The following CD2AP variants were observed in gnomAD, a reference collection of about 807,000 sequenced individuals.
CD2AP encodes the protein CD2-associated protein.
CD2AP carries 46 observed loss-of-function variants against 85.1 expected under a neutral mutation model. The observed-to-expected ratio is 0.54, with a 90% CI of 0.43 to 0.69. The LOEUF (loss-of-function observed/expected upper bound fraction) is 0.69. Ranked by LOEUF, CD2AP falls within the 30% of genes least tolerant of loss-of-function variation. The pLI is 0.00. For synonymous variants in CD2AP, 255 were observed against 252.9 expected (o/e 1.01, Z -0.08); for missense variants, 769 against 729.5 (o/e 1.05, Z -0.62).
intron 17 of CD2AP, among the ~76,000 whole-genome samples, chr6:47,615,786 TA>T (rs1487741927): frequency 1.4e-4 from 13 of 95,904 alleles, no homozygotes; most frequent in Non-Finnish European, 2.6e-4. Context: ...AATTTTAATT[TA>T]ATTTAATTTA....
intron 16 of CD2AP, among the ~76,000 whole-genome samples, chr6:47,610,967 ATGTATTT>A (rs1175654806): frequency 1.4e-4 from 11 of 77,330 alleles, no homozygotes; most frequent in African/African-American, 6.1e-4. Context: ...ATATATATAT[ATGTATTT>A]TTTTTTTTTT....
At chr6:47,523,475 C>G (rs1766647382) in intron 2 of CD2AP, among the ~76,000 whole-genome samples, 1 of 151,800 alleles carries the variant, frequency 6.6e-6, no homozygotes, top group Non-Finnish European at 1.5e-5. Flanking sequence ...GTTGCTTAAG[C>G]AAGAAATAAA....
chr6:47,542,514 T>G (rs1767242058), intron 3 of CD2AP, among the ~76,000 whole-genome samples: 1 of 152,170 alleles, frequency 6.6e-6, no homozygotes, highest in Non-Finnish European at 1.5e-5. Flanking sequence ...AGGGCTGTGC[T>G]CTCATGAATG....
At chr6:47,479,270 A>G (rs1212158196) in intron 1 of CD2AP, among the ~76,000 whole-genome samples, 1 of 152,202 alleles carries the variant, frequency 6.6e-6, no homozygotes, top group African/African-American at 2.4e-5. Flanking sequence ...GCTTCATATC[A>G]ACAAACGATC....
At chr6:47,571,492 A>G (rs985458088) in intron 5 of CD2AP, among the ~76,000 whole-genome samples, 76 of 152,282 alleles carry the variant, frequency 5.0e-4, no homozygotes, top group Non-Finnish European at 1.9e-4. Flanking sequence ...GCAGAAGGCT[A>G]TGGTTTTGTT....
At chr6:47,480,404 T>G (rs1765413165) in intron 1 of CD2AP, among the ~76,000 whole-genome samples, 1 of 152,120 alleles carries the variant, frequency 6.6e-6, no homozygotes, top group South Asian at 2.1e-4. Flanking sequence ...AATGAAAAAA[T>G]CTGAAATTTT....
intron 2 of CD2AP, among the ~76,000 whole-genome samples, chr6:47,509,604 T>A (rs192747779): frequency 1.3e-5 from 2 of 152,200 alleles, no homozygotes; most frequent in East Asian, 1.9e-4. Context: ...TAGAGCAAGG[T>A]CACTTCATTT....
intron 4 of CD2AP, 138 bp downstream of exon 4, chr6:47,544,844 C>G: frequency 1.6e-6 from 1 of 641,268 alleles, no homozygotes; most frequent in Non-Finnish European, 2.8e-6. Flanking sequence ...AGTTTCTTTA[C>G]TCATCCTTGC....
At position 47,607,911 on chromosome 6, in the gene CD2AP, C is replaced by A. The variant is rs947215696; in HGVS notation, c.1531-16C>A. On this transcript the variant is annotated splice_polypyrimidine_tract_variant and intron_variant, in intron 14 of 17. Transcript: ENST00000359314. ...TTTGGTCTATTATGTCTCTTGACTTCTAAAAAATCATTTAGCCAACTCACA... is the reference window on the plus strand; with the variant it reads ...TTTGGTCTATTATGTCTCTTGACTTATAAAAAATCATTTAGCCAACTCACA... 6 of 1,581,828 alleles carry A rather than the reference C, an allele frequency of 3.8e-6. No homozygotes were observed. The African/African-American group carries it at 6.8e-5, about 18-fold the overall frequency.
At chr6:47,507,691 C>T (rs1196285483) in intron 2 of CD2AP, among the ~76,000 whole-genome samples, 5 of 152,126 alleles carry the variant, frequency 3.3e-5, no homozygotes, top group African/African-American at 9.7e-5. Flanking sequence ...GTGATCTGCC[C>T]GCCTTGGCCT....
chr6:47,581,213 C>G (rs1768471943), intron 10 of CD2AP, among the ~76,000 whole-genome samples: 1 of 152,098 alleles, frequency 6.6e-6, no homozygotes, highest in Non-Finnish European at 1.5e-5. Context: ...TCTACCGTTT[C>G]AAATGAAATC....
intron 17 of CD2AP, among the ~76,000 whole-genome samples, chr6:47,614,138 G>A (rs1297287341): frequency 6.6e-6 from 1 of 152,182 alleles, no homozygotes; most frequent in Admixed American, 6.5e-5. Context: ...CAATAAGGCT[G>A]TTAAGTTTTC....
chr6:47,575,239 G>A lies in CD2AP; in HGVS notation c.729+988G>A, dbSNP rs180806813. ...TTGGAATTCTCATGGTTTTTGGGGT[G>A]GTGCTCTATAGCCATGTAACAGCTA... On this transcript the variant is annotated intron_variant, in intron 6 of 17. Coordinates refer to ENST00000359314, the MANE Select transcript of CD2AP (RefSeq NM_012120.3). 8.5e-5 allele frequency among the ~76,000 whole-genome samples: 13 copies of A among 152,208 alleles called. No individual in the cohort carries two copies. The East Asian group carries it at 1.7e-3, about 20-fold the overall frequency.
chr6:47,506,756 G>T (rs547509373), intron 2 of CD2AP, among the ~76,000 whole-genome samples: 1 of 145,118 alleles, frequency 6.9e-6, no homozygotes, highest in East Asian at 2.0e-4. Flanking sequence ...GTCCAGCTTC[G>T]GCTCCGCATG....
At position 47,477,897 on chromosome 6, in the gene CD2AP, G is replaced by A; in HGVS notation, c.-348G>A. On this transcript the variant is annotated 5_prime_UTR_variant, in exon 1 of 18. Coordinates refer to ENST00000359314, the MANE Select transcript of CD2AP (RefSeq NM_012120.3). ...GGCTAGGCGGGCGCTCGGGGTTGGA[G>A]CCGAGGGTCTGGGCAAACCGGTGGG... The A allele has an allele frequency of 2.4e-6, 1 of 410,564 alleles. No individual in the cohort carries two copies. The highest frequency in any genetic ancestry group is 4.4e-6 in the Non-Finnish European group (1 of 228,280). 25.4% of individuals were successfully genotyped at this position (410,564 alleles called of 1,614,324 possible).
At chr6:47,596,483 T>C (rs1768951908) in intron 12 of CD2AP, among the ~76,000 whole-genome samples, 3 of 152,120 alleles carry the variant, frequency 2.0e-5, no homozygotes, top group Non-Finnish European at 4.4e-5. Context: ...GGATCAACTT[T>C]TTTAGACTTC....
chr6:47,488,852 T>C (rs926329126), intron 1 of CD2AP, among the ~76,000 whole-genome samples: 3 of 152,128 alleles, frequency 2.0e-5, no homozygotes, highest in African/African-American at 7.2e-5. Context: ...GATTGTGCCA[T>C]TGCACTCCAG....
intron 2 of CD2AP, among the ~76,000 whole-genome samples, chr6:47,526,623 T>C (rs891755581): frequency 2.0e-5 from 3 of 152,206 alleles, no homozygotes. Context: ...AACATTGTTT[T>C]ACAGCAAATG....
chr6:47,607,225 A>G (rs192025449), intron 14 of CD2AP, among the ~76,000 whole-genome samples: 257 of 152,216 alleles, frequency 1.7e-3, no homozygotes, highest in Admixed American at 6.4e-3. Context: ...ACTTAGGTTG[A>G]TTCCAATTCT....
Sources: gnomAD v4.1 joint callset for allele counts (sites outside exome capture counted in the v4.1 genomes callset) on GRCh38, gnomAD v4.1.1 for gene constraint, MANE v1.5 for transcripts, NCBI Gene and HGNC (gene_info 2026-07-23, HGNC 2026-07-21) for gene names.